RETREG3: variants seen among roughly 807,000 people sequenced by gnomAD.
RETREG3 encodes the protein reticulophagy regulator family member 3.
Under a neutral mutation model 50.2 loss-of-function variants are expected in RETREG3, and 23 were observed. That is an observed-to-expected ratio of 0.46 (90% CI 0.33 to 0.65). The LOEUF (loss-of-function observed/expected upper bound fraction) is 0.65, where lower values mean the gene tolerates loss of function less well. RETREG3 is among the 30% of genes least tolerant of loss of function. RETREG3 has a pLI of 0.02. For missense variants in RETREG3, 546 were observed against 598.0 expected, an observed-to-expected ratio of 0.91 and a Z score of 0.91; for synonymous variants, 240 against 234.4, an observed-to-expected ratio of 1.02 and a Z score of -0.22.
At chr17:42,589,105 C>CAAA (rs1264325327) in intron 2 of RETREG3, among the ~76,000 whole-genome samples, 1 of 97,356 alleles carries the variant, frequency 1.0e-5, no homozygotes, top group African/African-American at 3.9e-5. Context: ...CTGTCTCTAA[C>CAAA]CAAAAAAAAA....
chr17:42,605,894 G>A (rs1199992070), intron 1 of RETREG3, among the ~76,000 whole-genome samples: 1 of 151,702 alleles, frequency 6.6e-6, no homozygotes. Flanking sequence ...GGGAGGCTGG[G>A]GTGGGAGAAT....
rs2093108831 is a variant in RETREG3 at position 42,581,645 on chromosome 17, G to A, written c.*168C>T. 1.7e-6 allele frequency: 1 copy of A among 588,790 alleles called. No homozygotes were observed. Among genetic ancestry groups the A allele is most frequent in the Non-Finnish European group, 2.9e-6 (1 of 345,812 alleles). 36.5% of individuals were successfully genotyped at this position (588,790 alleles called of 1,614,324 possible). On this transcript the variant is annotated 3_prime_UTR_variant, in exon 9 of 9. Coordinates refer to ENST00000309428, the MANE Select transcript of RETREG3 (RefSeq NM_178126.4). ...AGAAATGGGCATCCAGCTGGTGGGAGGGGAGTGAGTGTCCTCTCTAAGGAG... is the reference window on the plus strand; with the variant it reads ...AGAAATGGGCATCCAGCTGGTGGGAAGGGAGTGAGTGTCCTCTCTAAGGAG...
At position 42,581,816 on chromosome 17, in the gene RETREG3, G is replaced by A; in HGVS notation, c.1398C>T (p.His466=). 1 of 1,568,340 alleles carries A rather than the reference G, an allele frequency of 6.4e-7. No homozygotes were observed. The highest frequency in any genetic ancestry group is 8.6e-7 in the Non-Finnish European group (1 of 1,156,758). The change falls in exon 9 of 9, where the codon CAC becomes CAT. Residue 466 remains histidine, a synonymous_variant. Transcript: ENST00000309428. ...ACTCCCAAAAGGAGTCTCTGCCTCAGTGGCTCCTAGAACTGGCAGGGTCCA... is the reference window on the plus strand; with the variant it reads ...ACTCCCAAAAGGAGTCTCTGCCTCAATGGCTCCTAGAACTGGCAGGGTCCA... ...SQLDPASSRS[H]
In RETREG3 at chr17:42,587,870, A is replaced by G. The variant is rs558962450; in HGVS notation, c.347-6T>C. 1 of 1,614,158 alleles carries G rather than the reference A, an allele frequency of 6.2e-7. No individual in the cohort carries two copies. The highest frequency in any genetic ancestry group is 1.1e-5 in the South Asian group (1 of 91,084). On this transcript the variant is annotated splice_region_variant and splice_polypyrimidine_tract_variant and intron_variant, in intron 2 of 8. Coordinates refer to ENST00000309428, the MANE Select transcript of RETREG3 (RefSeq NM_178126.4). ...TAATGCGTCGGGTCTTGGCACTACA[A>G]TATTAAAACAAACACCAGCATTAGT...
Position 42,586,840 on chromosome 17 carries a change from A to G in RETREG3, c.429T>C (p.His143=), listed in dbSNP as rs200843863. Residue 143 remains histidine (H), a synonymous_variant, in exon 4 of 9, where the codon CAT becomes CAC. Coordinates refer to ENST00000309428, the MANE Select transcript of RETREG3 (RefSeq NM_178126.4). ...TCCCACTAACCCAGACTTCAGCTAC[A>G]TGGTGGCAGAGCTCGGGCACGCTGA... ...RLLSVPELCH[H]VAEVWVSGTI... The G allele has an allele frequency of 5.6e-5, 90 of 1,614,036 alleles. No homozygotes were observed. Among genetic ancestry groups the G allele is most frequent in the Non-Finnish European group, 7.1e-5 (84 of 1,180,020 alleles).
At chr17:42,589,610 T>C (rs2093128554) in intron 2 of RETREG3, among the ~76,000 whole-genome samples, 1 of 152,134 alleles carries the variant, frequency 6.6e-6, no homozygotes, top group Admixed American at 6.5e-5. Context: ...ATTTTTTTAT[T>C]TTTTGTAGAG....
chr17:42,581,984 C>A lies in RETREG3; in HGVS notation c.1230G>T (p.Leu410Phe). The A allele has an allele frequency of 6.2e-7, 1 of 1,614,156 alleles. No homozygotes were observed. The highest frequency in any genetic ancestry group is 8.5e-7 in the Non-Finnish European group (1 of 1,180,032). Residue 410 changes from leucine to phenylalanine, a missense_variant, in exon 9 of 9, where the codon TTG becomes TTT. Transcript: ENST00000309428. ...LVSQGMIQLALSGASQPGPSG... is the reference protein window; with the variant it reads ...LVSQGMIQLAFSGASQPGPSG... Reference sequence around the variant, plus strand: ...AAGGGCCTGGTTGGGAGGCCCCTGACAAGGCCAGCTGAATCATACCCTGGG... The same window carrying A: ...AAGGGCCTGGTTGGGAGGCCCCTGAAAAGGCCAGCTGAATCATACCCTGGG...
At chr17:42,599,037 GTT>G (rs2093153512) in intron 1 of RETREG3, 1 of 152,068 alleles carries the variant, frequency 6.6e-6, no homozygotes, top group Non-Finnish European at 1.5e-5. Context: ...TTCTATTTGT[GTT>G]AGTAATCGTG....
At chr17:42,586,949 G>C in intron 3 of RETREG3, 58 bp from the exon 4 acceptor site, 1 of 1,598,556 alleles carries the variant, frequency 6.3e-7, no homozygotes, top group Non-Finnish European at 8.5e-7. Context: ...CCCCCATCTT[G>C]CTGTGCAGGC....
chr17:42,596,179 G>A (rs2093144034), intron 1 of RETREG3, among the ~76,000 whole-genome samples: 1 of 150,806 alleles, frequency 6.6e-6, no homozygotes, highest in Non-Finnish European at 1.5e-5. Flanking sequence ...GACCAGCCTG[G>A]ACAATATAGT....
intron 1 of RETREG3, among the ~76,000 whole-genome samples, chr17:42,596,091 G>A (rs894774844): frequency 4.6e-5 from 7 of 151,610 alleles, no homozygotes; most frequent in Admixed American, 6.6e-5. Context: ...GTTTTCAGCC[G>A]GGTGCAATGG....
intron 1 of RETREG3, among the ~76,000 whole-genome samples, chr17:42,596,207 TA>T (rs759156702): frequency 5.6e-3 from 782 of 139,380 alleles, no homozygotes; most frequent in African/African-American, 8.9e-3. Context: ...TGTCTCTATT[TA>T]AAAAAAAAAA....
At position 42,582,353 on chromosome 17, in the gene RETREG3, C is replaced by G. The variant is rs2093111267; in HGVS notation, c.944-83G>C. On this transcript the variant is annotated intron_variant, in intron 8 of 8. Transcript: ENST00000309428. ...GCCCCACATGACCAGATTTTTCCCA[C>G]CCTGGCTTTCTCAGGGCGAAATAAA... 3 of 1,364,964 alleles carry G rather than the reference C, an allele frequency of 2.2e-6. No individual in the cohort carries two copies. In the Admixed American group the frequency reaches 6.5e-5, roughly 30 times the overall value. The allele number at this position is 1,364,964 out of a possible 1,614,324, so 84.6% of individuals were successfully genotyped here.
rs748524486 is a variant in RETREG3 at position 42,582,075 on chromosome 17, G to A, written c.1139C>T (p.Pro380Leu). Residue 380 changes from proline to leucine, a missense_variant, in exon 9 of 9, where the codon CCG becomes CTG. Transcript: ENST00000309428. Reference protein sequence around the residue: ...PPASRDEAALPELLLGALPVG... With the variant: ...PPASRDEAALLELLLGALPVG... ...AGGAAGAGCACCAAGCAGGAGCTCC[G>A]GCAGCGCAGCCTCGTCCCGGCTGGC... 1.5e-5 allele frequency: 24 copies of A among 1,613,978 alleles called. No homozygotes were observed. Among genetic ancestry groups the A allele is most frequent in the South Asian group, 7.7e-5 (7 of 91,084 alleles).
chr17:42,586,723 C>T (rs1322747601), intron 4 of RETREG3, 42 bp downstream of exon 4: 7 of 1,605,168 alleles, frequency 4.4e-6, no homozygotes, highest in East Asian at 2.2e-5. Flanking sequence ...ATGAACTGAA[C>T]TGAGAGGCCA....
chr17:42,608,950 AAGG>A (rs1485887315), intron 1 of RETREG3, 133 bp downstream of exon 1: 1 of 831,656 alleles, frequency 1.2e-6, no homozygotes, highest in African/African-American at 1.7e-5. Flanking sequence ...GATGGAGTGG[AAGG>A]AGGTGAGGCA....
chr17:42,586,424 G>T (rs973518042), intron 4 of RETREG3: 10 of 420,756 alleles, frequency 2.4e-5, no homozygotes, highest in Admixed American at 1.2e-4. Flanking sequence ...GTTGGTGGTG[G>T]TTTTTTAAGT....
rs570318536 is a variant in RETREG3, at chr17:42,579,520, C to T, written c.*2293G>A. On this transcript the variant is annotated 3_prime_UTR_variant, in exon 9 of 9. Coordinates refer to ENST00000309428, the MANE Select transcript of RETREG3 (RefSeq NM_178126.4). ...CAGCATCAGTCTCTTAAAGATTGTT[C>T]TCATACAAGATTTATTCCCCAGCAC... 6.5e-6 allele frequency: 1 copy of T among 152,950 alleles called. No homozygotes were observed. Among genetic ancestry groups the T allele is most frequent in the South Asian group, 2.1e-4 (1 of 4,826 alleles). 9.5% of individuals were successfully genotyped at this position (152,950 alleles called of 1,614,324 possible).
chr17:42,609,018 G>T, intron 1 of RETREG3, 68 bp downstream of exon 1: 1 of 1,474,516 alleles, frequency 6.8e-7, no homozygotes, highest in Non-Finnish European at 9.2e-7. Context: ...GGGCAGGCGA[G>T]AAGTAGAGCC....
Sources: gnomAD v4.1 joint callset for allele counts (sites outside exome capture counted in the v4.1 genomes callset) on GRCh38, gnomAD v4.1.1 for gene constraint, MANE v1.5 for transcripts, NCBI Gene and HGNC (gene_info 2026-07-23, HGNC 2026-07-21) for gene names.